ALCAM: variants seen among roughly 807,000 people sequenced by gnomAD.
ALCAM encodes CD166 antigen.
A neutral mutation model predicts 70.9 loss-of-function variants in ALCAM; 30 were observed. That is an observed-to-expected ratio of 0.42 (90% CI 0.32 to 0.57). The LOEUF (loss-of-function observed/expected upper bound fraction) is 0.57. Ranked by LOEUF, ALCAM falls within the 20% of genes least tolerant of loss-of-function variation. The probability of loss-of-function intolerance (pLI) is 0.11; values close to 1 mark genes in which losing one functional copy is unlikely to be tolerated. For missense variants in ALCAM, 591 were observed against 695.1 expected, an observed-to-expected ratio of 0.85 and a Z score of 1.68; for synonymous variants, 249 against 242.5, an observed-to-expected ratio of 1.03 and a Z score of -0.25.
At chr3:105,439,919 TAAG>T (rs1282652968) in intron 1 of ALCAM, among the ~76,000 whole-genome samples, 2 of 152,202 alleles carry the variant, frequency 1.3e-5, no homozygotes, top group African/African-American at 2.4e-5. Context: ...GGCTATAACA[TAAG>T]AGGAAAAGTG....
At chr3:105,479,212 T>A (rs1938203262) in intron 1 of ALCAM, among the ~76,000 whole-genome samples, 12 of 152,174 alleles carry the variant, frequency 7.9e-5, no homozygotes, top group Admixed American at 7.9e-4. Context: ...TCTTGTAGTT[T>A]GTGTGTATGC....
intron 14 of ALCAM, among the ~76,000 whole-genome samples, chr3:105,559,386 T>G (rs1190340200): frequency 2.0e-5 from 3 of 151,076 alleles, no homozygotes; most frequent in Non-Finnish European, 4.4e-5. Context: ...CAAAACAAAT[T>G]TATTTTCCAC....
chr3:105,531,918 T>C, intron 3 of ALCAM, 84 bp from the exon 4 acceptor site: 23 of 1,057,222 alleles, frequency 2.2e-5, no homozygotes, highest in Non-Finnish European at 3.3e-5. Context: ...ATTGAGTAAA[T>C]GAATTGTTTT....
At chr3:105,544,143 G>T (rs539165702) in intron 8 of ALCAM, among the ~76,000 whole-genome samples, 2 of 151,702 alleles carry the variant, frequency 1.3e-5, no homozygotes, top group Non-Finnish European at 3.0e-5. Context: ...TCCTAGTGTG[G>T]CAAGCATGGT....
intron 1 of ALCAM, among the ~76,000 whole-genome samples, chr3:105,449,244 T>C (rs1006789243): frequency 2.8e-4 from 43 of 152,346 alleles, no homozygotes; most frequent in African/African-American, 9.4e-4. Context: ...TTGTATGGTC[T>C]GCTTGGCTGC....
In ALCAM at chr3:105,531,973, A is replaced by T. The variant is rs754321301; in HGVS notation, c.395-29A>T. On this transcript the variant is annotated intron_variant, in intron 3 of 15. Transcript: ENST00000306107. Reference sequence around the variant, plus strand: ...GAAGTCCCGTTTTTCTTACATATGTACTTAAAATCTTTCTCTGCTTAACTT... The same window carrying T: ...GAAGTCCCGTTTTTCTTACATATGTTCTTAAAATCTTTCTCTGCTTAACTT... 2.5e-6 allele frequency: 4 copies of T among 1,589,880 alleles called. No individual in the cohort carries two copies. The African/African-American group carries it at 4.0e-5, about 16-fold the overall frequency.
intron 1 of ALCAM, among the ~76,000 whole-genome samples, chr3:105,404,842 G>A (rs1936181052): frequency 1.3e-5 from 2 of 152,150 alleles, no homozygotes; most frequent in East Asian, 3.9e-4. Context: ...ATCTTCAGGA[G>A]ACTCACCTAA....
At chr3:105,453,813 A>G (rs1271642503) in intron 1 of ALCAM, among the ~76,000 whole-genome samples, 1 of 151,862 alleles carries the variant, frequency 6.6e-6, no homozygotes, top group African/African-American at 2.4e-5. Context: ...ATTCCTAGGT[A>G]TTTTGTTCTC....
intron 1 of ALCAM, among the ~76,000 whole-genome samples, chr3:105,411,910 T>G (rs981793659): frequency 6.6e-6 from 1 of 152,038 alleles, no homozygotes; most frequent in African/African-American, 2.4e-5. Context: ...ATTTTTATTC[T>G]AAAGATGAAA....
In ALCAM at chr3:105,532,158, T is replaced by C. The variant is rs993491551; in HGVS notation, c.459+92T>C. Reference sequence around the variant, plus strand: ...ATTCCAAGACAAGTAAGAAAGGCTTTGCTCTTGTGGAGATGACAGTGTTGC... The same window carrying C: ...ATTCCAAGACAAGTAAGAAAGGCTTCGCTCTTGTGGAGATGACAGTGTTGC... On this transcript the variant is annotated intron_variant, in intron 4 of 15. Transcript: ENST00000306107. The C allele has an allele frequency of 8.0e-6, 9 of 1,120,180 alleles. No individual in the cohort carries two copies. The Admixed American group carries it at 1.7e-4, about 21-fold the overall frequency. 69.4% of individuals were successfully genotyped at this position (1,120,180 alleles called of 1,614,324 possible).
chr3:105,447,019 CA>C (rs1041549690), intron 1 of ALCAM, among the ~76,000 whole-genome samples: 13 of 149,752 alleles, frequency 8.7e-5, no homozygotes, highest in South Asian at 4.2e-4. Flanking sequence ...GTTCTCGCCA[CA>C]AAAAAAAATG....
intron 1 of ALCAM, among the ~76,000 whole-genome samples, chr3:105,512,357 A>AT (rs34756938): frequency 0.96 from 146,016 of 151,926 alleles, 70,412 homozygotes; most frequent in East Asian, 1. Context: ...CTTTCTGTTG[A>AT]AATGTTTTTA....
At chr3:105,562,158 G>A (rs191987894) in intron 14 of ALCAM, among the ~76,000 whole-genome samples, 71 of 152,294 alleles carry the variant, frequency 4.7e-4, no homozygotes, top group African/African-American at 1.6e-3. Context: ...AAGCTATCAG[G>A]TGTAATTTAA....
intron 1 of ALCAM, among the ~76,000 whole-genome samples, chr3:105,403,100 C>T (rs769780557): frequency 3.2e-4 from 48 of 152,182 alleles, no homozygotes; most frequent in African/African-American, 8.7e-4. Context: ...ATGCCCGCCA[C>T]CACGCCCAGC....
At chr3:105,447,676 C>T (rs1192049199) in intron 1 of ALCAM, among the ~76,000 whole-genome samples, 3 of 152,158 alleles carry the variant, frequency 2.0e-5, no homozygotes, top group Non-Finnish European at 2.9e-5. Context: ...CATGCCACTG[C>T]GCTCCAGCCT....
chr3:105,553,277 CAT>C (rs544908446), intron 14 of ALCAM: 19 of 233,310 alleles, frequency 8.1e-5, no homozygotes, highest in East Asian at 1.8e-4. Flanking sequence ...AACATACACA[CAT>C]GTCTTATACT....
intron 6 of ALCAM, among the ~76,000 whole-genome samples, chr3:105,536,313 C>T (rs13077395): frequency 6.6e-6 from 1 of 151,948 alleles, no homozygotes. Context: ...AGGTTGGTCT[C>T]GAACTCCTGA....
At position 105,415,103 on chromosome 3, in the gene ALCAM, G is replaced by A. The variant is rs185400082; in HGVS notation, c.73+47622G>A. On this transcript the variant is annotated intron_variant, in intron 1 of 15. Transcript: ENST00000306107. ...AAGTCTAGCAGCCTGAACATGCAGC[G>A]TAGTCCTTTTTAGAGCACATGTTGG... 3.0e-4 allele frequency among the ~76,000 whole-genome samples: 45 copies of A among 152,200 alleles called. 1 individual carries two copies. Among genetic ancestry groups the A allele is most frequent in the Admixed American group, 1.2e-3 (18 of 15,272 alleles).
chr3:105,569,173 G>A (rs1441723919), intron 14 of ALCAM, among the ~76,000 whole-genome samples: 2 of 151,772 alleles, frequency 1.3e-5, no homozygotes, highest in Non-Finnish European at 2.9e-5. Context: ...TACTTTAGAT[G>A]AAAGGAGTGG....
Sources: gnomAD v4.1 joint callset for allele counts (sites outside exome capture counted in the v4.1 genomes callset) on GRCh38, gnomAD v4.1.1 for gene constraint, MANE v1.5 for transcripts, NCBI Gene and HGNC (gene_info 2026-07-23, HGNC 2026-07-21) for gene names.